The following INTS6L variants were observed in gnomAD, a reference collection of about 807,000 sequenced individuals.
INTS6L encodes the protein integrator complex subunit 6 like, also known as integrator complex subunit 6-like.
A neutral mutation model predicts 64.7 loss-of-function variants in INTS6L; 18 were observed. That is an observed-to-expected ratio of 0.28 (90% CI 0.19 to 0.41). The LOEUF is 0.41. INTS6L is among the 10% of genes least tolerant of loss of function. INTS6L has a pLI of 1.00. For synonymous variants in INTS6L, 227 were observed against 235.9 expected, an observed-to-expected ratio of 0.96 and a Z score of 0.34; for missense variants, 533 against 661.0, an observed-to-expected ratio of 0.81 and a Z score of 2.12.
chrX:135,536,169 C>T (rs1455788733), intron 2 of INTS6L, among the ~76,000 whole-genome samples: 1 of 112,111 alleles, frequency 8.9e-6, no homozygotes, highest in African/African-American at 3.2e-5. Flanking sequence ...GAAGTTTTGT[C>T]ACTGCTGTGT....
At chrX:135,537,087 T>C (rs1185293000) in intron 2 of INTS6L, among the ~76,000 whole-genome samples, 10 of 111,751 alleles carry the variant, frequency 8.9e-5, no homozygotes, top group Non-Finnish European at 1.9e-4. Flanking sequence ...ACCAGTCAGA[T>C]GAGAAGGTGG....
chrX:135,557,989 A>G (rs1336796205), intron 9 of INTS6L, among the ~76,000 whole-genome samples: 1 of 112,597 alleles, frequency 8.9e-6, no homozygotes, highest in Non-Finnish European at 1.9e-5. Context: ...AAAATGGGCA[A>G]AGGACTTGAA....
chrX:135,577,558 C>A (rs1270030917), intron 15 of INTS6L, 131 bp downstream of exon 15: 2 of 648,572 alleles, frequency 3.1e-6, no homozygotes, highest in Non-Finnish European at 4.6e-6. Flanking sequence ...ACTAAATCAT[C>A]TATTTGGTAG....
intron 10 of INTS6L, chrX:135,570,192 AT>A (rs782462888): frequency 1.2e-5 from 3 of 259,545 alleles, no homozygotes; most frequent in Non-Finnish European, 2.0e-5. Context: ...ATTGAACGCA[AT>A]TTACTTGTTT....
At chrX:135,527,131 C>T (rs966679697) in intron 2 of INTS6L, among the ~76,000 whole-genome samples, 4 of 111,604 alleles carry the variant, frequency 3.6e-5, no homozygotes, top group African/African-American at 9.8e-5. Context: ...AGATATATAA[C>T]GTTTCCATCA....
At chrX:135,546,656 TA>T in intron 4 of INTS6L, 45 bp from the exon 5 acceptor site, 1 of 1,150,893 alleles carries the variant, frequency 8.7e-7, no homozygotes, top group South Asian at 2.1e-5. Flanking sequence ...TCTTCATTTT[TA>T]TATGGTTTGT....
intron 9 of INTS6L, among the ~76,000 whole-genome samples, chrX:135,565,838 A>T (rs2086935058): frequency 9.0e-6 from 1 of 111,577 alleles, no homozygotes; most frequent in Non-Finnish European, 1.9e-5. Context: ...CCATACATTC[A>T]GCTAGGGTCC....
At chrX:135,560,959 CT>C (rs200672440) in intron 9 of INTS6L, among the ~76,000 whole-genome samples, 2 of 84,357 alleles carry the variant, frequency 2.4e-5, no homozygotes, top group African/African-American at 8.8e-5. Context: ...TCTTTTCTTT[CT>C]TTTTTTTTTT....
At chrX:135,531,803 A>G (rs782289322) in intron 2 of INTS6L, among the ~76,000 whole-genome samples, 2 of 111,867 alleles carry the variant, frequency 1.8e-5, no homozygotes, top group Non-Finnish European at 3.8e-5. Flanking sequence ...GAAGCCCTGC[A>G]CTGTCTCTTC....
chrX:135,564,967 C>T (rs1556524218), intron 9 of INTS6L, among the ~76,000 whole-genome samples: 1 of 111,149 alleles, frequency 9.0e-6, no homozygotes, highest in Non-Finnish European at 1.9e-5. Context: ...GGAGGGATCT[C>T]CTTGTTATTG....
chrX:135,546,963 C>T (rs1350503954), intron 5 of INTS6L, 78 bp downstream of exon 5: 34 of 1,135,630 alleles, frequency 3.0e-5, no homozygotes, highest in Non-Finnish European at 3.8e-5. Flanking sequence ...CATATCCAGT[C>T]TTTACTTGTT....
intron 9 of INTS6L, among the ~76,000 whole-genome samples, chrX:135,568,649 A>G (rs782107607): frequency 3.4e-4 from 38 of 111,082 alleles, no homozygotes; most frequent in Non-Finnish European, 4.9e-4. Flanking sequence ...TCCCAGGCTC[A>G]AGCAATCCTC....
intron 2 of INTS6L, among the ~76,000 whole-genome samples, chrX:135,528,109 A>G (rs1556502253): frequency 9.0e-6 from 1 of 111,139 alleles, no homozygotes. Context: ...TCTTAAATGA[A>G]AAAGTCTTTG....
intron 2 of INTS6L, among the ~76,000 whole-genome samples, chrX:135,528,151 C>T (rs1042437797): frequency 2.8e-4 from 31 of 110,758 alleles, no homozygotes; most frequent in African/African-American, 9.9e-4. Context: ...TGCCTTTTAC[C>T]GAAAGAGTGT....
In INTS6L at chrX:135,547,158, C is replaced by A; in HGVS notation, c.635C>A (p.Thr212Lys). 1 of 1,209,819 alleles carries A rather than the reference C, an allele frequency of 8.3e-7. No individual in the cohort carries two copies. The highest frequency in any genetic ancestry group is 1.1e-6 in the Non-Finnish European group (1 of 894,524). ...ATAGGTCGCTCCTACTGTGTGAGAA[C>A]ACAAAGAATGTTGAATCAATGTTTA... ...VTGGRSYCVR[T>K]QRMLNQCLES... Residue 212 changes from threonine (T) to lysine (K), a missense_variant, in exon 6 of 18, where the codon ACA becomes AAA. Thr to Lys is a moderately conservative substitution (Grantham distance 78). Coordinates refer to ENST00000639893, the MANE Select transcript of INTS6L (RefSeq NM_001351601.3).
At chrX:135,574,188 C>A in intron 13 of INTS6L, 126 bp downstream of exon 13, 2 of 779,357 alleles carry the variant, frequency 2.6e-6, no homozygotes, top group African/African-American at 2.2e-5. Context: ...TGCCTGTTTT[C>A]ACTGAATCCC....
At chrX:135,560,938 TTTTTTTTTTTTCTTTTCTTTC>T (rs1467399276) in intron 9 of INTS6L, among the ~76,000 whole-genome samples, 5 of 74,151 alleles carry the variant, frequency 6.7e-5, no homozygotes, top group African/African-American at 1.2e-4. Context: ...ATGCTCTTTC[TTTTTTTTTTTTCTTTTCTTTC>T]TTTTTTTTTT....
chrX:135,533,871 A>G (rs1023875708), intron 2 of INTS6L, among the ~76,000 whole-genome samples: 4 of 111,745 alleles, frequency 3.6e-5, no homozygotes, highest in Non-Finnish European at 7.5e-5. Context: ...TTTCCTGATA[A>G]TAGGTATTAG....
intron 2 of INTS6L, among the ~76,000 whole-genome samples, chrX:135,541,523 A>C (rs1263963221): frequency 3.6e-5 from 4 of 112,261 alleles, no homozygotes; most frequent in Non-Finnish European, 7.5e-5. Flanking sequence ...TTAAATAACC[A>C]CATGTAGATA....
Sources: gnomAD v4.1 joint callset for allele counts (sites outside exome capture counted in the v4.1 genomes callset) on GRCh38, gnomAD v4.1.1 for gene constraint, MANE v1.5 for transcripts, NCBI Gene and HGNC (gene_info 2026-07-23, HGNC 2026-07-21) for gene names.